Variants in SPRED2 observed in about 807,000 individuals in gnomAD.
SPRED2 encodes sprouty-related, EVH1 domain-containing protein 2.
In SPRED2, 47 loss-of-function variants were observed where a neutral mutation model predicts 43.0. The ratio of observed to expected loss-of-function variants is 1.09; its 90% confidence interval spans 0.87 to 1.40. The LOEUF is 1.40. Ranked by LOEUF, SPRED2 falls within the 40% of genes most tolerant of loss-of-function variation. SPRED2 has a pLI of 0.00. For missense variants in SPRED2, 561 were observed against 586.4 expected (o/e 0.96, Z 0.45); for synonymous variants, 225 against 225.7 (o/e 1.00, Z 0.03).
chr2:65,328,557 C>G (rs761559303), intron 4 of SPRED2, among the ~76,000 whole-genome samples: 1 of 152,250 alleles, frequency 6.6e-6, no homozygotes, highest in African/African-American at 2.4e-5. Flanking sequence ...AGTCACGTAT[C>G]CAGGAGTCCA....
At chr2:65,339,286 G>C (rs1201897568) in intron 2 of SPRED2, among the ~76,000 whole-genome samples, 10 of 152,000 alleles carry the variant, frequency 6.6e-5, no homozygotes, top group African/African-American at 1.9e-4. Context: ...AATGGAAGGG[G>C]GGGCAGGGTG....
At chr2:65,325,120 T>C (rs1023935141) in intron 4 of SPRED2, among the ~76,000 whole-genome samples, 1 of 152,178 alleles carries the variant, frequency 6.6e-6, no homozygotes, top group East Asian at 1.9e-4. Context: ...GGGCTGGCAA[T>C]GTGTAATTTC....
intron 1 of SPRED2, among the ~76,000 whole-genome samples, chr2:65,388,450 C>T (rs1675553594): frequency 6.6e-6 from 1 of 152,176 alleles, no homozygotes; most frequent in African/African-American, 2.4e-5. Flanking sequence ...CTACTTGATC[C>T]TGGGCCTTGA....
At chr2:65,349,020 C>A (rs980724199) in intron 1 of SPRED2, among the ~76,000 whole-genome samples, 1 of 151,694 alleles carries the variant, frequency 6.6e-6, no homozygotes, top group Non-Finnish European at 1.5e-5. Context: ...AGATTAAGAA[C>A]CTTCTGGGCT....
chr2:65,328,899 T>C (rs1041333466), intron 4 of SPRED2, among the ~76,000 whole-genome samples: 10 of 152,246 alleles, frequency 6.6e-5, no homozygotes, highest in Admixed American at 2.0e-4. Flanking sequence ...AAAAGGAAGA[T>C]GTTGTATTCT....
intron 1 of SPRED2, among the ~76,000 whole-genome samples, chr2:65,366,267 C>T (rs938871912): frequency 6.6e-6 from 1 of 151,978 alleles, no homozygotes; most frequent in African/African-American, 2.4e-5. Flanking sequence ...AAGCTGTTTC[C>T]TAGGCAGCAT....
At chr2:65,345,752 A>G (rs1395092429) in intron 1 of SPRED2, among the ~76,000 whole-genome samples, 1 of 152,232 alleles carries the variant, frequency 6.6e-6, no homozygotes, top group African/African-American at 2.4e-5. Flanking sequence ...ATAACCCTTT[A>G]CATATTTGTA....
chr2:65,430,833 A>C (rs1011847250), intron 1 of SPRED2, among the ~76,000 whole-genome samples: 2 of 151,806 alleles, frequency 1.3e-5, no homozygotes, highest in African/African-American at 4.8e-5. Flanking sequence ...GGGGAGGGAT[A>C]TCATGTGACA....
intron 1 of SPRED2, among the ~76,000 whole-genome samples, chr2:65,422,351 G>C (rs762309998): frequency 2.4e-4 from 37 of 152,296 alleles, no homozygotes; most frequent in Middle Eastern, 6.8e-3. Flanking sequence ...ACTCTAGTTA[G>C]TAATCAGTTA....
intron 4 of SPRED2, among the ~76,000 whole-genome samples, chr2:65,319,428 T>C (rs1467414655): frequency 6.6e-6 from 1 of 152,210 alleles, no homozygotes; most frequent in Non-Finnish European, 1.5e-5. Flanking sequence ...TGTCTGAGGA[T>C]GGGAGCAAGA....
intron 1 of SPRED2, among the ~76,000 whole-genome samples, chr2:65,430,060 GGC>G (rs1157310881): frequency 6.6e-6 from 1 of 152,202 alleles, no homozygotes. Flanking sequence ...GAATCTGCAA[GGC>G]CAGAGCACAG....
chr2:65,427,750 T>C (rs969328820), intron 1 of SPRED2, among the ~76,000 whole-genome samples: 20 of 152,180 alleles, frequency 1.3e-4, no homozygotes, highest in African/African-American at 4.8e-4. Context: ...AGAAGAATAA[T>C]GAACAAGCAT....
At chr2:65,307,276 G>T (rs1364755995), downstream of SPRED2, among the ~76,000 whole-genome samples, 1 of 152,090 alleles carries the variant, frequency 6.6e-6, no homozygotes, top group African/African-American at 2.4e-5. Context: ...GCTCACTGCA[G>T]CCTTTGCCTC....
chr2:65,419,057 C>G (rs1305164817), intron 1 of SPRED2, among the ~76,000 whole-genome samples: 1 of 152,074 alleles, frequency 6.6e-6, no homozygotes, highest in Non-Finnish European at 1.5e-5. Flanking sequence ...TGCTCAAGGC[C>G]ACACAGCAGG....
chr2:65,414,362 G>A (rs571613168), intron 1 of SPRED2, among the ~76,000 whole-genome samples: 21 of 152,328 alleles, frequency 1.4e-4, no homozygotes, highest in Non-Finnish European at 2.8e-4. Context: ...TATAACCTCT[G>A]AAGCTAATAT....
Position 65,312,783 on chromosome 2 carries a change from T to G in SPRED2, c.*718A>C. The G allele has an allele frequency of 3.0e-6, 3 of 985,844 alleles. No homozygotes were observed. The highest frequency in any genetic ancestry group is 3.6e-6 in the Non-Finnish European group (3 of 829,936). The allele number at this position is 985,844 out of a possible 1,614,324, so 61.1% of individuals were successfully genotyped here. ...AGTTAATCTGAAGTTAAGGCTCAAT[T>G]CTCAGTCTATTACGGGTGAATGTTT... On this transcript the variant is annotated 3_prime_UTR_variant, in exon 6 of 6. Transcript: ENST00000356388.
At chr2:65,410,462 A>C (rs925167479) in intron 1 of SPRED2, among the ~76,000 whole-genome samples, 4 of 152,138 alleles carry the variant, frequency 2.6e-5, no homozygotes, top group African/African-American at 4.8e-5. Flanking sequence ...TCACTAGGTA[A>C]AAATGGTTCC....
At chr2:65,407,394 G>C in intron 1 of SPRED2, among the ~76,000 whole-genome samples, 1 of 151,410 alleles carries the variant, frequency 6.6e-6, no homozygotes, top group South Asian at 2.1e-4. Flanking sequence ...TGTGTATTGG[G>C]GGGCATTTTG....
At chr2:65,334,444 A>T (rs762226656) in intron 3 of SPRED2, among the ~76,000 whole-genome samples, 161 bp downstream of exon 3, 5 of 152,194 alleles carry the variant, frequency 3.3e-5, no homozygotes, top group African/African-American at 7.2e-5. Flanking sequence ...TTGTCACTTT[A>T]ATTACTCTCC....
Sources: allele counts gnomAD v4.1 joint callset (sites outside exome capture counted in the v4.1 genomes callset), GRCh38; gene constraint gnomAD v4.1.1; transcripts MANE v1.5; gene names NCBI Gene and HGNC (gene_info 2026-07-23, HGNC 2026-07-21).